The following FSTL5 variants were observed in gnomAD, a reference collection of about 807,000 sequenced individuals.
FSTL5 encodes follistatin-related protein 5.
A neutral mutation model predicts 89.1 loss-of-function variants in FSTL5; 62 were observed. The ratio of observed to expected loss-of-function variants is 0.70; its 90% CI spans 0.57 to 0.86. The LOEUF (loss-of-function observed/expected upper bound fraction) is 0.86, where lower values mean the gene tolerates loss of function less well. FSTL5 is among the 40% of genes least tolerant of loss of function. The probability of loss-of-function intolerance (pLI) is 0.00; values close to 1 mark genes in which losing one functional copy is unlikely to be tolerated. For synonymous variants in FSTL5, 383 were observed against 346.2 expected, an observed-to-expected ratio of 1.11 and a Z score of -1.18; for missense variants, 1,057 against 1,001.6, an observed-to-expected ratio of 1.06 and a Z score of -0.75.
intron 2 of FSTL5, among the ~76,000 whole-genome samples, chr4:162,064,653 A>G (rs75842151): frequency 0.037 from 5,600 of 152,064 alleles, 163 homozygotes; most frequent in East Asian, 0.11. Flanking sequence ...CAGCTTGCCA[A>G]CAACAGATCT....
At chr4:161,838,552 G>A (rs536647010) in intron 4 of FSTL5, among the ~76,000 whole-genome samples, 1 of 152,082 alleles carries the variant, frequency 6.6e-6, no homozygotes, top group South Asian at 2.1e-4. Context: ...CCAAAGTGCT[G>A]GGATTACAGA....
At chr4:162,034,468 A>C (rs1737657445) in intron 2 of FSTL5, among the ~76,000 whole-genome samples, 1 of 152,114 alleles carries the variant, frequency 6.6e-6, no homozygotes, top group South Asian at 2.1e-4. Flanking sequence ...GTTGACAACA[A>C]TTCTATGATT....
intron 4 of FSTL5, among the ~76,000 whole-genome samples, chr4:161,850,102 A>G (rs563998745): frequency 2.0e-5 from 3 of 152,228 alleles, no homozygotes; most frequent in Non-Finnish European, 4.4e-5. Flanking sequence ...TATGTATTAC[A>G]GAAATTAAGG....
intron 3 of FSTL5, among the ~76,000 whole-genome samples, chr4:161,949,686 G>C (rs554914609): frequency 3.3e-5 from 5 of 150,982 alleles, no homozygotes; most frequent in African/African-American, 1.2e-4. Context: ...ATGTTTGTTT[G>C]CATCATTTTT....
At chr4:161,872,473 T>C (rs1186780320) in intron 4 of FSTL5, among the ~76,000 whole-genome samples, 1 of 152,194 alleles carries the variant, frequency 6.6e-6, no homozygotes, top group African/African-American at 2.4e-5. Flanking sequence ...TCTGGACTCC[T>C]TTCCAAAAGT....
At chr4:161,552,388 G>T (rs1029429063) in intron 8 of FSTL5, 2 of 151,766 alleles carry the variant, frequency 1.3e-5, no homozygotes, top group African/African-American at 4.8e-5. Flanking sequence ...GCCTAAATCT[G>T]AGAATTAGTT....
intron 1 of FSTL5, among the ~76,000 whole-genome samples, chr4:162,149,717 G>C (rs1324318047): frequency 1.3e-5 from 2 of 152,198 alleles, no homozygotes; most frequent in East Asian, 3.9e-4. Flanking sequence ...GTATCTGTGT[G>C]TGTATATGTA....
chr4:161,897,182 AT>A (rs1239774257), intron 4 of FSTL5, among the ~76,000 whole-genome samples: 1 of 151,906 alleles, frequency 6.6e-6, no homozygotes, highest in Non-Finnish European at 1.5e-5. Flanking sequence ...TGTTCATGAA[AT>A]AAAAAATATT....
chr4:161,430,438 A>G (rs950243203), intron 15 of FSTL5, among the ~76,000 whole-genome samples: 21 of 152,296 alleles, frequency 1.4e-4, no homozygotes, highest in East Asian at 3.9e-4. Context: ...CTATCTCTAG[A>G]CATTTAATAA....
chr4:161,512,434 G>A (rs566870016), intron 10 of FSTL5, among the ~76,000 whole-genome samples: 1 of 152,162 alleles, frequency 6.6e-6, no homozygotes, highest in East Asian at 1.9e-4. Flanking sequence ...GAAAAACATA[G>A]TAATGTGAAT....
chr4:161,389,836 AC>A (rs1299434061), intron 15 of FSTL5, among the ~76,000 whole-genome samples: 1 of 152,146 alleles, frequency 6.6e-6, no homozygotes, highest in Non-Finnish European at 1.5e-5. Flanking sequence ...ATCACATAAA[AC>A]ATTCTCTGTG....
intron 4 of FSTL5, among the ~76,000 whole-genome samples, chr4:161,834,565 C>A (rs1335901759): frequency 2.0e-5 from 3 of 152,144 alleles, no homozygotes; most frequent in Admixed American, 6.6e-5. Flanking sequence ...ATTGTCTTAG[C>A]CCAAAATCTC....
intron 3 of FSTL5, among the ~76,000 whole-genome samples, chr4:162,015,444 G>A (rs926780903): frequency 2.6e-5 from 4 of 152,062 alleles, no homozygotes; most frequent in African/African-American, 4.8e-5. Context: ...TGGAATATGC[G>A]CTTCTTCTCT....
chr4:161,895,986 A>G (rs992737363), intron 4 of FSTL5, among the ~76,000 whole-genome samples: 1 of 152,228 alleles, frequency 6.6e-6, no homozygotes, highest in African/African-American at 2.4e-5. Context: ...CCAAAGTCAC[A>G]GGACAAAAGA....
intron 12 of FSTL5, among the ~76,000 whole-genome samples, chr4:161,494,281 C>T (rs1192850418): frequency 6.6e-6 from 1 of 152,050 alleles, no homozygotes; most frequent in African/African-American, 2.4e-5. Flanking sequence ...CATTTTGATT[C>T]CCTTTCTGAA....
chr4:161,428,992 C>A (rs1346714582), intron 15 of FSTL5, among the ~76,000 whole-genome samples: 1 of 152,040 alleles, frequency 6.6e-6, no homozygotes, highest in Non-Finnish European at 1.5e-5. Flanking sequence ...AGGGAGGAGC[C>A]CACTGCTGTG....
At chr4:162,152,317 A>T (rs757210997) in intron 1 of FSTL5, among the ~76,000 whole-genome samples, 1 of 152,210 alleles carries the variant, frequency 6.6e-6, no homozygotes, top group African/African-American at 2.4e-5. Context: ...TTTATGAGAA[A>T]TCTCACCAAG....
At chr4:161,513,109 T>G (rs538344737) in intron 10 of FSTL5, among the ~76,000 whole-genome samples, 2 of 152,212 alleles carry the variant, frequency 1.3e-5, no homozygotes, top group African/African-American at 4.8e-5. Context: ...TTCAAGCCCA[T>G]AAAATTCACC....
chr4:161,599,225 A>G (rs1734142849), intron 7 of FSTL5, among the ~76,000 whole-genome samples: 1 of 152,162 alleles, frequency 6.6e-6, no homozygotes, highest in Non-Finnish European at 1.5e-5. Context: ...AATCATTAAA[A>G]TTAAATTTAC....
Sources: gnomAD v4.1 joint callset for allele counts (sites outside exome capture counted in the v4.1 genomes callset) on GRCh38, gnomAD v4.1.1 for gene constraint, MANE v1.5 for transcripts, NCBI Gene and HGNC (gene_info 2026-07-23, HGNC 2026-07-21) for gene names.